Variants in RPUSD2 observed in about 807,000 individuals in gnomAD.
RPUSD2 encodes the protein RNA pseudouridine synthase domain containing 2.
A neutral mutation model predicts 41.5 loss-of-function variants in RPUSD2; 31 were observed. The ratio of observed to expected loss-of-function variants is 0.75; its 90% CI spans 0.56 to 1.01. The LOEUF is 1.01. Among genes scored for constraint, RPUSD2 ranks in the 50% least tolerant of loss-of-function variants. The probability of loss-of-function intolerance (pLI) is 0.00; values close to 1 mark genes in which losing one functional copy is unlikely to be tolerated. For missense variants in RPUSD2, 749 were observed against 724.7 expected (o/e 1.03, Z -0.38); for synonymous variants, 305 against 289.7 (o/e 1.05, Z -0.54).
rs201318420 is a variant in RPUSD2 at position 40,574,123 on chromosome 15, A to G, written c.1500A>G (p.Ala500=). The change falls in exon 3 of 3, where the codon GCA becomes GCG. Residue 500 remains alanine, a synonymous_variant. Coordinates refer to ENST00000315616, the MANE Select transcript of RPUSD2 (RefSeq NM_152260.3). The part of the protein sequence containing the change: ...VMNQETDPLC[A]ECRLVRQDPL... ...ATCAAGAGACAGACCCACTCTGTGC[A>G]GAGTGCCGGCTGGTGCGACAGGATC... 12 of 1,614,220 alleles carry G rather than the reference A, an allele frequency of 7.4e-6. No homozygotes were observed. The highest frequency in any genetic ancestry group is 9.3e-6 in the Non-Finnish European group (11 of 1,180,022).
In RPUSD2 at chr15:40,571,844, T is replaced by G. The variant is rs1178634955; in HGVS notation, c.847T>G (p.Phe283Val). Residue 283 changes from phenylalanine to valine, a missense_variant, in exon 2 of 3, where the codon TTT becomes GTT. Phe to Val is a conservative substitution (Grantham distance 50). Coordinates refer to ENST00000315616, the MANE Select transcript of RPUSD2 (RefSeq NM_152260.3). ...CCGCCTTACCTCAGGGGTGCTTATG[T>G]TTGCCAAGACAGCTGCAGTCTCTGA... ...LDRLTSGVLM[F>V]AKTAAVSERI... The G allele has an allele frequency of 7.4e-6, 12 of 1,614,086 alleles. No homozygotes were observed. Among genetic ancestry groups the G allele is most frequent in the Non-Finnish European group, 1.0e-5 (12 of 1,180,034 alleles).
Position 40,569,324 on chromosome 15 carries a change from GGGGC to G in RPUSD2, c.-13_-10del, listed in dbSNP as rs1891078455. ...AGATCGCGACCCTGGGAGTGGAGTG[GGGGC>G]AGCGTGGTTATGTGGCTGGACCGCC... On this transcript the variant is annotated 5_prime_UTR_variant, in exon 1 of 3. Transcript: ENST00000315616. 6.9e-7 allele frequency: 1 copy of G among 1,450,888 alleles called. No individual in the cohort carries two copies. Among genetic ancestry groups the G allele is most frequent in the African/African-American group, 1.4e-5 (1 of 69,224 alleles). The allele number at this position is 1,450,888 out of a possible 1,614,324, so 89.9% of individuals were successfully genotyped here. A position where few individuals can be genotyped will look rare whatever the true frequency, so the allele number is the denominator to read the frequency against.
chr15:40,569,820 C>G lies in RPUSD2; in HGVS notation c.483C>G (p.Ser161Arg). The G allele has an allele frequency of 6.2e-7, 1 of 1,613,424 alleles. No individual in the cohort carries two copies. The highest frequency in any genetic ancestry group is 8.5e-7 in the Non-Finnish European group (1 of 1,179,818). ...GCAAAGGTCGCTGGGTGGGCCACAG[C>G]TTGCTGCACGTCTTCAGTACCGAGT... ...TYCKGRWVGH[S>R]LLHVFSTEFR... Residue 161 changes from serine (S) to arginine (R), a missense_variant, in exon 1 of 3, where the codon AGC becomes AGG. Coordinates refer to ENST00000315616, the MANE Select transcript of RPUSD2 (RefSeq NM_152260.3).
intron 1 of RPUSD2, among the ~76,000 whole-genome samples, chr15:40,570,890 C>G (rs745837795): frequency 2.6e-5 from 4 of 152,156 alleles, no homozygotes; most frequent in Non-Finnish European, 5.9e-5. Context: ...TGGTCTAGAG[C>G]CCATATCCCT....
In RPUSD2 at chr15:40,571,813, G is replaced by T. The variant is rs1301609248; in HGVS notation, c.816G>T (p.Arg272=). The T allele has an allele frequency of 1.9e-6, 3 of 1,614,222 alleles. No homozygotes were observed. Among genetic ancestry groups the T allele is most frequent in the African/African-American group, 1.3e-5 (1 of 75,060 alleles). The change falls in exon 2 of 3, where the codon CGG becomes CGT. Residue 272 remains arginine, a synonymous_variant. Transcript: ENST00000315616. ...TCAAGGAGCTACACCCCTTGCATCG[G>T]CTTGACCGCCTTACCTCAGGGGTGC... is the stretch of plus-strand genomic sequence containing the variant. ...HQLKELHPLH[R]LDRLTSGVLM... is the part of the protein sequence containing the mutation.
Position 40,573,584 on chromosome 15 carries a change from T to A in RPUSD2, c.961T>A (p.Cys321Ser). ...EGEFPTEEVT[C>S]KEPILVVSYK... ...GGAGTTCCCCACTGAGGAAGTGACC[T>A]GTAAAGAACCCATCTTAGTGGTGTC... is the stretch of plus-strand genomic sequence containing the variant. Residue 321 changes from cysteine (C) to serine (S), a missense_variant, in exon 3 of 3, where the codon TGT becomes AGT. By Grantham distance (112) the Cys-to-Ser change is moderately radical (BLOSUM62 -1). Transcript: ENST00000315616. 6.2e-7 allele frequency: 1 copy of A among 1,614,184 alleles called. No homozygotes were observed. The highest frequency in any genetic ancestry group is 8.5e-7 in the Non-Finnish European group (1 of 1,180,014).
chr15:40,573,652 C>T lies in RPUSD2; in HGVS notation c.1029C>T (p.Pro343=). The change falls in exon 3 of 3, where the codon CCC becomes CCT. Residue 343 remains proline, a synonymous_variant. Transcript: ENST00000315616. ...GCCGTGTAGATCCCCGGGGCAAGCC[C>T]TGTGAGACAGTGTTCCAGAGGCTAA... ...GVCRVDPRGK[P]CETVFQRLSY... is the part of the protein sequence containing the mutation. The T allele has an allele frequency of 6.7e-7, 1 of 1,497,196 alleles. No individual in the cohort carries two copies. Among genetic ancestry groups the T allele is most frequent in the Non-Finnish European group, 8.9e-7 (1 of 1,120,170 alleles). 92.7% of individuals were successfully genotyped at this position (1,497,196 alleles called of 1,614,324 possible).
In RPUSD2 at chr15:40,573,549, G is replaced by C. The variant is rs149164635; in HGVS notation, c.926G>C (p.Arg309Pro). Residue 309 changes from arginine to proline, a missense_variant, in exon 3 of 3, where the codon CGG becomes CCG. Transcript: ENST00000315616. ...DRQLEKEYVC[R>P]VEGEFPTEEV... is the part of the protein sequence containing the mutation. ...TAGCTGGAGAAGGAGTACGTGTGCC[G>C]GGTGGAAGGGGAGTTCCCCACTGAG... The C allele has an allele frequency of 6.2e-7, 1 of 1,613,500 alleles. No individual in the cohort carries two copies. The highest frequency in any genetic ancestry group is 8.5e-7 in the Non-Finnish European group (1 of 1,179,734).
rs1256739152 is a variant in RPUSD2, at chr15:40,569,678, C to A, written c.341C>A (p.Pro114Gln). The A allele has an allele frequency of 6.4e-7, 1 of 1,559,866 alleles. No homozygotes were observed. The highest frequency in any genetic ancestry group is 1.3e-5 in the African/African-American group (1 of 74,132). ...GATRERVVPP[P>Q]KKRRTGVSFG... The stretch of plus-strand genomic sequence containing the variant: ...ACCAGGGAGCGTGTCGTGCCGCCCC[C>A]GAAGAAGCGGCGGACCGGGGTGAGC... Residue 114 changes from proline to glutamine, a missense_variant, in exon 1 of 3, where the codon CCG becomes CAG. Coordinates refer to ENST00000315616, the MANE Select transcript of RPUSD2 (RefSeq NM_152260.3).
chr15:40,569,593 G>T lies in RPUSD2; in HGVS notation c.256G>T (p.Gly86Trp), dbSNP rs769262863. The T allele has an allele frequency of 7.0e-5, 108 of 1,535,824 alleles. No homozygotes were observed. The highest frequency in any genetic ancestry group is 9.3e-5 in the Non-Finnish European group (106 of 1,141,348). ...GGAAGTGGAGCCGGCCCCAGTAGGC[G>T]GGGAGCATCCCTCGGCTGCAGCCCC... is the stretch of plus-strand genomic sequence containing the variant. ...GREVEPAPVG[G>W]EHPSAAAPGP... The change falls in exon 1 of 3, where the codon GGG becomes TGG. Residue 86 changes from glycine (G) to tryptophan (W), a missense_variant. Transcript: ENST00000315616.
chr15:40,572,588 C>T lies in RPUSD2; in HGVS notation c.903+688C>T, dbSNP rs117630309. Among the ~76,000 whole-genome samples, 199 of 151,516 alleles carry T rather than the reference C, an allele frequency of 1.3e-3. 6 individuals carry two copies. In the East Asian group the frequency reaches 0.035, roughly 26 times the overall value. On this transcript the variant is annotated intron_variant, in intron 2 of 2. Transcript: ENST00000315616. Reference sequence around the variant, plus strand: ...TCAAAAAAAAAAAAAAAAACTTACCCTGGCATGGTGGCACATGCCTGTAGT... The same window carrying T: ...TCAAAAAAAAAAAAAAAAACTTACCTTGGCATGGTGGCACATGCCTGTAGT...
rs149480109 is a variant in RPUSD2, at chr15:40,573,845, A to G, written c.1222A>G (p.Asn408Asp). 3 of 1,614,132 alleles carry G rather than the reference A, an allele frequency of 1.9e-6. No individual in the cohort carries two copies. The highest frequency in any genetic ancestry group is 2.5e-6 in the Non-Finnish European group (3 of 1,180,002). ...RGRGGYIPKT[N>D]EELLRDLVAE... ...CCGGGGCGGCTACATTCCCAAGACA[A>G]ACGAGGAGTTGCTACGGGACCTGGT... The change falls in exon 3 of 3, where the codon AAC becomes GAC. Residue 408 changes from asparagine to aspartate, a missense_variant. Coordinates refer to ENST00000315616, the MANE Select transcript of RPUSD2 (RefSeq NM_152260.3).
rs371703398 is a variant in RPUSD2, at chr15:40,571,000, T to A, written c.607-604T>A. On this transcript the variant is annotated intron_variant, in intron 1 of 2. Coordinates refer to ENST00000315616, the MANE Select transcript of RPUSD2 (RefSeq NM_152260.3). ...AAAATTTTACCTTGATTATTTATTTTTTTTTTTTTTGAGACAGAGTCTTGC... is the reference window on the plus strand; with the variant it reads ...AAAATTTTACCTTGATTATTTATTTATTTTTTTTTTGAGACAGAGTCTTGC... Among the ~76,000 whole-genome samples, 541 of 152,100 alleles carry A rather than the reference T, an allele frequency of 3.6e-3. 5 individuals carry two copies. The highest frequency in any genetic ancestry group is 0.031 in the South Asian group (152 of 4,826).
Position 40,569,400 on chromosome 15 carries a change from C to T in RPUSD2, c.63C>T (p.Arg21=). ...VLGHWRYDLR[R]PSFTRTWSGD... ...GACATTGGCGCTACGACCTTAGGCGCCCTAGCTTTACCAGGACTTGGAGTG... is the reference window on the plus strand; with the variant it reads ...GACATTGGCGCTACGACCTTAGGCGTCCTAGCTTTACCAGGACTTGGAGTG... The change falls in exon 1 of 3, where the codon CGC becomes CGT. Residue 21 remains arginine (R), a synonymous_variant. Transcript: ENST00000315616. 5 of 1,532,828 alleles carry T rather than the reference C, an allele frequency of 3.3e-6. No homozygotes were observed. Among genetic ancestry groups the T allele is most frequent in the Non-Finnish European group, 4.4e-6 (5 of 1,146,748 alleles). The allele number at this position is 1,532,828 out of a possible 1,614,324, so 95.0% of individuals were successfully genotyped here.
Position 40,573,592 on chromosome 15 carries a change from A to G in RPUSD2, c.969A>G (p.Glu323=). ...EFPTEEVTCK[E]PILVVSYKVG... is the part of the protein sequence containing the mutation. ...CCACTGAGGAAGTGACCTGTAAAGA[A>G]CCCATCTTAGTGGTGTCTTACAAAG... Residue 323 remains glutamate (E), a synonymous_variant, in exon 3 of 3, where the codon GAA becomes GAG. Transcript: ENST00000315616. 2 of 1,614,036 alleles carry G rather than the reference A, an allele frequency of 1.2e-6. No homozygotes were observed. The highest frequency in any genetic ancestry group is 1.7e-6 in the Non-Finnish European group (2 of 1,179,986).
At chr15:40,571,492 A>T (rs1249928374) in intron 1 of RPUSD2, 112 bp from the exon 2 acceptor site, 1 of 960,878 alleles carries the variant, frequency 1.0e-6, no homozygotes, top group Non-Finnish European at 1.6e-6. Context: ...TCAGCCCAAG[A>T]TGTGCTTTCA....
Position 40,573,970 on chromosome 15 carries a change from G to T in RPUSD2, c.1347G>T (p.Leu449Phe), listed in dbSNP as rs1891200899. The T allele has an allele frequency of 6.2e-7, 1 of 1,613,960 alleles. No individual in the cohort carries two copies. Among genetic ancestry groups the T allele is most frequent in the South Asian group, 1.1e-5 (1 of 91,074 alleles). ...ACTCTACGGCCCCCTCCTCAGAGTT[G>T]GGCAAGGACGACCTGGAAGAGTTGG... ...LTDSTAPSSE[L>F]GKDDLEELAA... Residue 449 changes from leucine (L) to phenylalanine (F), a missense_variant, in exon 3 of 3, where the codon TTG becomes TTT. By Grantham distance (22) the Leu-to-Phe change is conservative (BLOSUM62 0). Coordinates refer to ENST00000315616, the MANE Select transcript of RPUSD2 (RefSeq NM_152260.3).
rs370216132 is a variant in RPUSD2 at position 40,571,620 on chromosome 15, G to C, written c.623G>C (p.Arg208Pro). 6.2e-7 allele frequency: 1 copy of C among 1,614,068 alleles called. No individual in the cohort carries two copies. Among genetic ancestry groups the C allele is most frequent in the East Asian group, 2.2e-5 (1 of 44,890 alleles). ...NIVLKDNDFLRNTVHRHEPPV... is the reference protein window; with the variant it reads ...NIVLKDNDFLPNTVHRHEPPV... ...CTTTGACAGGACAATGATTTCTTGC[G>C]GAACACAGTGCACAGGCATGAGCCA... The change falls in exon 2 of 3, where the codon CGG becomes CCG. Residue 208 changes from arginine to proline, a missense_variant. Arg to Pro is a moderately radical substitution (Grantham distance 103). Transcript: ENST00000315616.
At position 40,573,779 on chromosome 15, in the gene RPUSD2, G is replaced by T. The variant is rs776524916; in HGVS notation, c.1156G>T (p.Asp386Tyr). 1 of 1,614,184 alleles carries T rather than the reference G, an allele frequency of 6.2e-7. No homozygotes were observed. The highest frequency in any genetic ancestry group is 2.2e-5 in the East Asian group (1 of 44,884). The change falls in exon 3 of 3, where the codon GAC becomes TAC. Residue 386 changes from aspartate (D) to tyrosine (Y), a missense_variant. Physicochemically the swap from Asp to Tyr is radical, Grantham distance 160. Coordinates refer to ENST00000315616, the MANE Select transcript of RPUSD2 (RefSeq NM_152260.3). The stretch of plus-strand genomic sequence containing the variant: ...GTTCTTGGGCCATCCCATTCTCAAC[G>T]ACCCCATCTACAACTCAGTTGCCTG... ...LQFLGHPILNDPIYNSVAWGP... is the reference protein window; with the variant it reads ...LQFLGHPILNYPIYNSVAWGP...
Sources: allele counts gnomAD v4.1 joint callset (sites outside exome capture counted in the v4.1 genomes callset), GRCh38; gene constraint gnomAD v4.1.1; transcripts MANE v1.5; gene names NCBI Gene and HGNC (gene_info 2026-07-23, HGNC 2026-07-21).